FYTTD1: variants seen among roughly 807,000 people sequenced by gnomAD.
The protein encoded by FYTTD1 is forty-two-three domain containing 1, also known as UAP56-interacting factor.
A neutral mutation model predicts 40.9 loss-of-function variants in FYTTD1; 22 were observed. That is an observed-to-expected ratio of 0.54 (90% CI 0.38 to 0.77). The LOEUF (loss-of-function observed/expected upper bound fraction) is 0.77. Among genes scored for constraint, FYTTD1 ranks in the 30% least tolerant of loss-of-function variants. The pLI is 0.00. For synonymous variants in FYTTD1, 140 were observed against 137.9 expected, an observed-to-expected ratio of 1.01 and a Z score of -0.10; for missense variants, 351 against 392.2, an observed-to-expected ratio of 0.90 and a Z score of 0.89.
At chr3:197,768,753 T>C (rs1729624065) in intron 3 of FYTTD1, among the ~76,000 whole-genome samples, 166 bp downstream of exon 3, 1 of 152,238 alleles carries the variant, frequency 6.6e-6, no homozygotes, top group Admixed American at 6.5e-5. Flanking sequence ...TCATAAAGAA[T>C]ACCTAAATTT....
chr3:197,780,665 C>T (rs1410358629), intron 8 of FYTTD1, among the ~76,000 whole-genome samples: 5 of 151,908 alleles, frequency 3.3e-5, no homozygotes, highest in Non-Finnish European at 5.9e-5. Context: ...GCCTTAGCCT[C>T]CTGAGTAGCT....
chr3:197,780,891 T>A (rs1190460956), intron 8 of FYTTD1, among the ~76,000 whole-genome samples: 1 of 152,070 alleles, frequency 6.6e-6, no homozygotes, highest in African/African-American at 2.4e-5. Flanking sequence ...CTTTGTCAGA[T>A]TGAGGAAGCT....
At chr3:197,772,423 A>C (rs1463900244) in intron 4 of FYTTD1, among the ~76,000 whole-genome samples, 1 of 152,226 alleles carries the variant, frequency 6.6e-6, no homozygotes, top group African/African-American at 2.4e-5. Context: ...GTACTTCACT[A>C]ACTTCCTATA....
chr3:197,762,218 T>C (rs773180761), intron 2 of FYTTD1, among the ~76,000 whole-genome samples: 2 of 149,526 alleles, frequency 1.3e-5, no homozygotes, highest in Admixed American at 1.3e-4. Flanking sequence ...TCTAGTTGTC[T>C]TCTATTAAGG....
chr3:197,753,735 T>C (rs188936864), intron 1 of FYTTD1, among the ~76,000 whole-genome samples: 152 of 152,248 alleles, frequency 1.0e-3, no homozygotes, highest in Admixed American at 2.6e-3. Context: ...ATATTTAGAC[T>C]TTATATGCTG....
At position 197,782,052 on chromosome 3, in the gene FYTTD1, T is replaced by G. The variant is rs1730042304; in HGVS notation, c.*143T>G. On this transcript the variant is annotated 3_prime_UTR_variant, in exon 9 of 9. Transcript: ENST00000241502. ...ATTTTTATTTTTGAAGGTTTTTTTTTTTAAAAAAAAAAACGTATAAAATAA... is the reference window on the plus strand; with the variant it reads ...ATTTTTATTTTTGAAGGTTTTTTTTGTTAAAAAAAAAAACGTATAAAATAA... The G allele has an allele frequency of 2.2e-6, 1 of 459,770 alleles. No homozygotes were observed. The highest frequency in any genetic ancestry group is 3.9e-6 in the Non-Finnish European group (1 of 255,714). 28.5% of individuals were successfully genotyped at this position (459,770 alleles called of 1,614,324 possible).
chr3:197,759,090 T>C (rs1254388388), intron 2 of FYTTD1, among the ~76,000 whole-genome samples: 4 of 151,970 alleles, frequency 2.6e-5, no homozygotes, highest in African/African-American at 7.3e-5. Context: ...TGGTAGAAAG[T>C]ATAGAGTTGT....
chr3:197,758,739 G>A (rs929139568), intron 2 of FYTTD1, among the ~76,000 whole-genome samples: 3 of 152,218 alleles, frequency 2.0e-5, no homozygotes, highest in Non-Finnish European at 4.4e-5. Context: ...AGCTGCCACT[G>A]TTACTGAATG....
chr3:197,755,318 A>C (rs1396307850), intron 1 of FYTTD1, among the ~76,000 whole-genome samples: 1 of 152,236 alleles, frequency 6.6e-6, no homozygotes, highest in African/African-American at 2.4e-5. Context: ...CAGTTACAGC[A>C]CAACCTGACA....
Position 197,773,461 on chromosome 3 carries a change from AC to A in FYTTD1, c.557del (p.Thr186IlefsTer12). ...AAATAAATTAAATCATCAGAAAGAT[AC>A]TCGTCAGGCAACTTTTCTTTTCAGA... ...SGNKLNHQKD[T>X]RQATFLFRRG... On this transcript the variant is annotated frameshift_variant, in exon 5 of 9. Coordinates refer to ENST00000241502, the MANE Select transcript of FYTTD1 (RefSeq NM_032288.7). LOFTEE classifies it high-confidence loss of function. The A allele has an allele frequency of 6.2e-7, 1 of 1,602,152 alleles. No homozygotes were observed. The highest frequency in any genetic ancestry group is 8.5e-7 in the Non-Finnish European group (1 of 1,172,036).
Position 197,787,463 on chromosome 3 carries a change from G to A in FYTTD1, c.*5554G>A, listed in dbSNP as rs896355088. The A allele has an allele frequency of 1.3e-5, 2 of 152,224 alleles. No homozygotes were observed. The highest frequency in any genetic ancestry group is 2.9e-5 in the Non-Finnish European group (2 of 68,062). 9.4% of individuals were successfully genotyped at this position (152,224 alleles called of 1,614,324 possible). On this transcript the variant is annotated 3_prime_UTR_variant, in exon 9 of 9. Coordinates refer to ENST00000241502, the MANE Select transcript of FYTTD1 (RefSeq NM_032288.7). ...TGTTTCTACTGAGTAGAAGGGGGAA[G>A]GGAGGACATAACCTTTGCATGATAT...
rs1197502051 is a variant in FYTTD1 at position 197,762,007 on chromosome 3, C to T, written c.235+5450C>T. 2.6e-5 allele frequency among the ~76,000 whole-genome samples: 4 copies of T among 152,108 alleles called. No homozygotes were observed. In the East Asian group the frequency reaches 7.7e-4, roughly 29 times the overall value. ...CAGACTTTGGACTTCTTTTGATGTCCTTGTGTGGCAGAAAGAAGGCTAGAG... is the reference window on the plus strand; with the variant it reads ...CAGACTTTGGACTTCTTTTGATGTCTTTGTGTGGCAGAAAGAAGGCTAGAG... On this transcript the variant is annotated intron_variant, in intron 2 of 8. Transcript: ENST00000241502.
At chr3:197,759,265 G>A (rs372691375) in intron 2 of FYTTD1, among the ~76,000 whole-genome samples, 40 of 150,186 alleles carry the variant, frequency 2.7e-4, no homozygotes, top group African/African-American at 9.0e-4. Context: ...GTATAGAGTT[G>A]TTCTTCAGTG....
intron 2 of FYTTD1, among the ~76,000 whole-genome samples, chr3:197,757,284 ACTT>A (rs1219904566): frequency 2.0e-5 from 3 of 152,250 alleles, no homozygotes; most frequent in Admixed American, 1.3e-4. Flanking sequence ...TGGCTTGTTA[ACTT>A]CTTTATCAGC....
chr3:197,761,587 ATTGTTCTTCAGTGTTAGAATGTATAGAG>A (rs1729391475), intron 2 of FYTTD1, among the ~76,000 whole-genome samples: 1 of 151,692 alleles, frequency 6.6e-6, no homozygotes, highest in Non-Finnish European at 1.5e-5. Flanking sequence ...AATGTATAGA[ATTGTTCTTCAGTGTTAGAATGTATAGAG>A]TTGTTCTTCA....
chr3:197,770,573 T>G (rs1729687930), intron 4 of FYTTD1, among the ~76,000 whole-genome samples: 1 of 152,260 alleles, frequency 6.6e-6, no homozygotes, highest in South Asian at 2.1e-4. Context: ...AGACAGGGCT[T>G]CTCGATCTGT....
intron 5 of FYTTD1, among the ~76,000 whole-genome samples, 196 bp downstream of exon 5, chr3:197,773,695 A>G (rs1056267794): frequency 6.6e-6 from 1 of 152,206 alleles, no homozygotes; most frequent in African/African-American, 2.4e-5. Flanking sequence ...GCAATGTCTT[A>G]TAAGAATTTA....
intron 8 of FYTTD1, among the ~76,000 whole-genome samples, chr3:197,779,898 G>C (rs1729979752): frequency 6.8e-6 from 1 of 147,508 alleles, no homozygotes; most frequent in African/African-American, 2.5e-5. Flanking sequence ...TGGGGATACA[G>C]GCACACACCA....
chr3:197,762,357 G>A (rs928694608), intron 2 of FYTTD1, among the ~76,000 whole-genome samples: 4 of 147,850 alleles, frequency 2.7e-5, no homozygotes, highest in East Asian at 1.9e-4. Flanking sequence ...TTGGGAGGCC[G>A]AGACAGGCAG....
Sources: allele counts gnomAD v4.1 joint callset (sites outside exome capture counted in the v4.1 genomes callset), GRCh38; gene constraint gnomAD v4.1.1; transcripts MANE v1.5; gene names NCBI Gene and HGNC (gene_info 2026-07-23, HGNC 2026-07-21).